ASTN1: variants seen among roughly 807,000 people sequenced by gnomAD.
ASTN1 encodes the protein astrotactin 1, also known as astrotactin-1.
Under a neutral mutation model 140.7 loss-of-function variants are expected in ASTN1, and 41 were observed. That is an observed-to-expected ratio of 0.29 (90% confidence interval 0.23 to 0.38). The LOEUF (loss-of-function observed/expected upper bound fraction) is 0.38, where lower values mean the gene tolerates loss of function less well. Among genes scored for constraint, ASTN1 ranks in the 10% least tolerant of loss-of-function variants. The probability of loss-of-function intolerance (pLI) is 1.00; values close to 1 mark genes in which losing one functional copy is unlikely to be tolerated. For missense variants in ASTN1, 1,479 were observed against 1,678.8 expected, an observed-to-expected ratio of 0.88 and a Z score of 2.08; for synonymous variants, 640 against 652.2, an observed-to-expected ratio of 0.98 and a Z score of 0.29.
At chr1:177,051,714 T>G (rs1237482808) in intron 2 of ASTN1, among the ~76,000 whole-genome samples, 2 of 151,984 alleles carry the variant, frequency 1.3e-5, no homozygotes, top group Non-Finnish European at 2.9e-5. Flanking sequence ...AGAGGGTGGG[T>G]GAAAGATAGT....
At chr1:177,048,331 G>A (rs987437849) in intron 2 of ASTN1, among the ~76,000 whole-genome samples, 15 of 152,162 alleles carry the variant, frequency 9.9e-5, no homozygotes, top group Non-Finnish European at 1.5e-4. Context: ...GCCCAAAAGG[G>A]GAGTCTGGGA....
At chr1:177,015,469 T>C (rs1026469995) in intron 7 of ASTN1, among the ~76,000 whole-genome samples, 69 of 152,224 alleles carry the variant, frequency 4.5e-4, no homozygotes, top group African/African-American at 1.1e-3. Flanking sequence ...AACTACTATA[T>C]GCACAGGAGG....
chr1:176,940,072 A>T (rs925859373), intron 14 of ASTN1, among the ~76,000 whole-genome samples: 1 of 152,120 alleles, frequency 6.6e-6, no homozygotes, highest in East Asian at 1.9e-4. Context: ...AGATTTAATG[A>T]CTGTGTCACC....
intron 12 of ASTN1, 118 bp downstream of exon 12, chr1:176,949,067 A>G (rs1672075766): frequency 1.4e-6 from 2 of 1,381,682 alleles, no homozygotes; most frequent in East Asian, 2.3e-5. Context: ...CTCTTTCCTC[A>G]GAGACTAAGG....
rs1045616181 is a variant in ASTN1, at chr1:177,030,692, C to A, written c.1012+114G>T. The A allele has an allele frequency of 8.9e-5, 125 of 1,406,168 alleles. 1 individual carries two copies. Among genetic ancestry groups the A allele is most frequent in the Non-Finnish European group, 1.2e-4 (121 of 1,035,758 alleles). 87.1% of individuals were successfully genotyped at this position (1,406,168 alleles called of 1,614,324 possible). ...TTAACTGGCCTCCAGAAAGGCTGTG[C>A]CAGGGCATACCCTCTCCAGCCACGC... On this transcript the variant is annotated intron_variant, in intron 4 of 22. Coordinates refer to ENST00000361833, the MANE Select transcript of ASTN1 (RefSeq NM_004319.3).
chr1:177,017,748 G>A (rs948565386), intron 7 of ASTN1, among the ~76,000 whole-genome samples: 1 of 152,156 alleles, frequency 6.6e-6, no homozygotes, highest in Non-Finnish European at 1.5e-5. Flanking sequence ...AAAAGAAAAG[G>A]CCCTGAAAGG....
intron 1 of ASTN1, among the ~76,000 whole-genome samples, chr1:177,145,184 A>G (rs1682667422): frequency 6.6e-6 from 1 of 152,178 alleles, no homozygotes; most frequent in Admixed American, 6.5e-5. Flanking sequence ...GAAGGTAAAA[A>G]CATCTTGGAT....
intron 1 of ASTN1, among the ~76,000 whole-genome samples, chr1:177,156,265 G>A (rs1267224273): frequency 4.1e-5 from 6 of 145,246 alleles, no homozygotes; most frequent in East Asian, 2.0e-4. Context: ...GTGAGACTCC[G>A]TCTCAAAAAA....
At chr1:176,880,833 G>T (rs1668764262) in intron 20 of ASTN1, among the ~76,000 whole-genome samples, 1 of 152,264 alleles carries the variant, frequency 6.6e-6, no homozygotes, top group East Asian at 1.9e-4. Context: ...TTCTGGGGCG[G>T]TTACTCCGTT....
chr1:176,931,487 CAAAT>C (rs950665035), intron 16 of ASTN1, among the ~76,000 whole-genome samples: 11 of 152,006 alleles, frequency 7.2e-5, no homozygotes, highest in East Asian at 5.8e-4. Flanking sequence ...AATAAATAAA[CAAAT>C]AAATAAATAA....
chr1:176,919,833 T>G (rs1044386748), intron 16 of ASTN1, among the ~76,000 whole-genome samples: 2 of 152,192 alleles, frequency 1.3e-5, no homozygotes, highest in African/African-American at 4.8e-5. Flanking sequence ...CTCTGCGGAA[T>G]AAACCTGACT....
intron 8 of ASTN1, 134 bp from the exon 9 acceptor site, chr1:176,965,371 C>A (rs979202705): frequency 2.3e-5 from 16 of 696,924 alleles, no homozygotes; most frequent in South Asian, 1.2e-4. Context: ...AAGAAGCTCA[C>A]TAATATGAGC....
chr1:176,860,171 G>A (rs533719562), downstream of ASTN1, among the ~76,000 whole-genome samples: 2 of 152,290 alleles, frequency 1.3e-5, no homozygotes, highest in East Asian at 3.9e-4. Flanking sequence ...ACTTAGGCTT[G>A]AAAGTCACAT....
intron 17 of ASTN1, 143 bp downstream of exon 17, chr1:176,894,419 G>A: frequency 9.2e-7 from 1 of 1,083,834 alleles, no homozygotes; most frequent in Non-Finnish European, 1.3e-6. Context: ...AACAAATTAG[G>A]TGCCCAGATT....
At chr1:176,872,101 C>G (rs1016559571) in intron 21 of ASTN1, among the ~76,000 whole-genome samples, 31 of 151,990 alleles carry the variant, frequency 2.0e-4, no homozygotes, top group Admixed American at 1.9e-3. Context: ...CTTAACCTCT[C>G]TGGGTGTTAG....
intron 16 of ASTN1, among the ~76,000 whole-genome samples, chr1:176,904,614 G>C (rs1669908221): frequency 5.3e-5 from 8 of 152,306 alleles, no homozygotes; most frequent in Admixed American, 5.2e-4. Flanking sequence ...AGCCTCCCGT[G>C]CACTTGTCTG....
At chr1:177,051,128 A>T (rs1571711085) in intron 2 of ASTN1, among the ~76,000 whole-genome samples, 1 of 152,374 alleles carries the variant, frequency 6.6e-6, no homozygotes, top group East Asian at 1.9e-4. Flanking sequence ...ACATGTCTTG[A>T]ATTTCTAGCA....
rs1350039650 is a variant in ASTN1 at position 177,096,523 on chromosome 1, A to G, written c.284-35258T>C. Among the ~76,000 whole-genome samples the G allele has an allele frequency of 3.3e-5, 5 of 152,116 alleles. No homozygotes were observed. In the East Asian group the frequency reaches 9.6e-4, roughly 29 times the overall value. On this transcript the variant is annotated intron_variant, in intron 1 of 22. Coordinates refer to ENST00000361833, the MANE Select transcript of ASTN1 (RefSeq NM_004319.3). The stretch of plus-strand genomic sequence containing the variant: ...TTTGATATAGTTTGGCTGTGTCCCT[A>G]CTCAAATCTCATCTTGAGTTGTAGC...
intron 16 of ASTN1, among the ~76,000 whole-genome samples, chr1:176,922,742 G>A (rs920788688): frequency 1.3e-5 from 2 of 152,004 alleles, no homozygotes; most frequent in Non-Finnish European, 2.9e-5. Flanking sequence ...GTTAGTAGAC[G>A]ATTTGTGACT....
Sources: gnomAD v4.1 joint callset for allele counts (sites outside exome capture counted in the v4.1 genomes callset) on GRCh38, gnomAD v4.1.1 for gene constraint, MANE v1.5 for transcripts, NCBI Gene and HGNC (gene_info 2026-07-23, HGNC 2026-07-21) for gene names.